Variants in NOS1 observed in about 807,000 individuals in gnomAD.
NOS1 encodes the protein nitric oxide synthase 1, also known as NOS type I.
NOS1 carries 51 observed loss-of-function variants against 164.5 expected under a neutral mutation model. The ratio of observed to expected loss-of-function variants is 0.31; its 90% CI spans 0.25 to 0.39. The LOEUF (loss-of-function observed/expected upper bound fraction) is 0.39, where lower values mean the gene tolerates loss of function less well. Among genes scored for constraint, NOS1 ranks in the 10% least tolerant of loss-of-function variants. NOS1 has a pLI of 1.00. For synonymous variants in NOS1, 719 were observed against 745.8 expected (o/e 0.96, Z 0.59); for missense variants, 1,362 against 1,885.6 (o/e 0.72, Z 5.14).
chr12:117,287,007 G>A lies in NOS1; in HGVS notation c.1128-741C>T, dbSNP rs193262360. 1.9e-3 allele frequency among the ~76,000 whole-genome samples: 291 copies of A among 152,310 alleles called. 1 individual carries two copies. Among genetic ancestry groups the A allele is most frequent in the African/African-American group, 6.7e-3 (277 of 41,566 alleles). ...AGGAGGGTGGATCACTTGAGGCTAG[G>A]AATTTGAGACCAGCCTGGCCAACAT... On this transcript the variant is annotated intron_variant, in intron 5 of 28. Coordinates refer to ENST00000317775, the MANE Select transcript of NOS1 (RefSeq NM_000620.5).
rs904571742 is a variant in NOS1 at position 117,218,114 on chromosome 12, G to A, written c.4221C>T (p.Tyr1407=). The stretch of plus-strand genomic sequence containing the variant: ...CAGATCTAAGGCGGTTGGTCACTTC[G>A]TACGTTCGCAGGGTGACTCCAAAAA... The part of the protein sequence containing the change: ...EDIFGVTLRT[Y]EVTNRLRSES... The change falls in exon 28 of 29, where the codon TAC becomes TAT. Residue 1407 remains tyrosine, a synonymous_variant. Coordinates refer to ENST00000317775, the MANE Select transcript of NOS1 (RefSeq NM_000620.5). 4.3e-6 allele frequency: 7 copies of A among 1,613,990 alleles called. No individual in the cohort carries two copies. In the African/African-American group the frequency reaches 5.3e-5, roughly 12 times the overall value.
In NOS1 at chr12:117,218,105, G is replaced by T. The variant is rs760198222; in HGVS notation, c.4230C>A (p.Thr1410=). The part of the protein sequence containing the change: ...FGVTLRTYEV[T]NRLRSESIAF... ...CAATGGACTCAGATCTAAGGCGGTT[G>T]GTCACTTCGTACGTTCGCAGGGTGA... is the stretch of plus-strand genomic sequence containing the variant. Residue 1410 remains threonine, a synonymous_variant, in exon 28 of 29, where the codon ACC becomes ACA. Transcript: ENST00000317775. The T allele has an allele frequency of 2.5e-6, 4 of 1,614,118 alleles. No individual in the cohort carries two copies. The Admixed American group carries it at 5.0e-5, about 20-fold the overall frequency.
At chr12:117,267,082 T>C (rs995525934) in intron 11 of NOS1, among the ~76,000 whole-genome samples, 1 of 152,196 alleles carries the variant, frequency 6.6e-6, no homozygotes, top group African/African-American at 2.4e-5. Flanking sequence ...CATCCATGGC[T>C]TGATTTAACA....
In NOS1 at chr12:117,322,279, T is replaced by TCTTCCTTCCCTC. The variant is rs929497075; in HGVS notation, c.725+8054_725+8065dup. 1.2e-4 allele frequency among the ~76,000 whole-genome samples: 12 copies of TCTTCCTTCCCTC among 104,104 alleles called. No individual in the cohort carries two copies. The East Asian group carries it at 1.2e-3, about 11-fold the overall frequency. The allele number at this position is 104,104 out of a possible 152,430, so 68.3% of individuals were successfully genotyped here. A position where few individuals can be genotyped will look rare whatever the true frequency, so the allele number is the denominator to read the frequency against. ...CCCTCCTTTCCCTTCCTCTTTCCTT[T>TCTTCCTTCCCTC]CTTCCTTCCCTCCTTCCTTCCCTCC... On this transcript the variant is annotated intron_variant, in intron 2 of 28. Coordinates refer to ENST00000317775, the MANE Select transcript of NOS1 (RefSeq NM_000620.5).
intron 11 of NOS1, among the ~76,000 whole-genome samples, chr12:117,266,878 G>A (rs1872461937): frequency 6.6e-6 from 1 of 152,090 alleles, no homozygotes; most frequent in Non-Finnish European, 1.5e-5. Context: ...TGTTGTCTCT[G>A]GCTTGACAGA....
Position 117,210,138 on chromosome 12 carries a change from A to T in NOS1, c.*5171T>A. The T allele has an allele frequency of 2.7e-6, 1 of 374,862 alleles. No homozygotes were observed. The highest frequency in any genetic ancestry group is 3.4e-6 in the Non-Finnish European group (1 of 295,816). 23.2% of individuals were successfully genotyped at this position (374,862 alleles called of 1,614,324 possible). A position where few individuals can be genotyped will look rare whatever the true frequency, so the allele number is the denominator to read the frequency against. ...CAGGAGCATGCCATCATGCCCAGCT[A>T]ATTTTTTTTTTTTTTTTTTTTTAGT... is the stretch of plus-strand genomic sequence containing the variant. On this transcript the variant is annotated 3_prime_UTR_variant, in exon 29 of 29. Coordinates refer to ENST00000317775, the MANE Select transcript of NOS1 (RefSeq NM_000620.5).
Position 117,211,507 on chromosome 12 carries a change from T to C in NOS1, c.*3802A>G. 1.0e-6 allele frequency: 1 copy of C among 984,592 alleles called. No homozygotes were observed. The allele number at this position is 984,592 out of a possible 1,614,324, so 61.0% of individuals were successfully genotyped here. A position where few individuals can be genotyped will look rare whatever the true frequency, so the allele number is the denominator to read the frequency against. ...TTGAAAAACATTCTTAGGGACTCCC[T>C]GTTGCCTTCTGAATAAAGCCTAAAT... On this transcript the variant is annotated 3_prime_UTR_variant, in exon 29 of 29. Transcript: ENST00000317775.
chr12:117,221,682 G>A (rs1250297992), intron 26 of NOS1, among the ~76,000 whole-genome samples: 1 of 151,726 alleles, frequency 6.6e-6, no homozygotes, highest in Non-Finnish European at 1.5e-5. Flanking sequence ...TGCCCAGGGT[G>A]GAGTGCAGTG....
chr12:117,212,954 A>G lies in NOS1; in HGVS notation c.*2355T>C. ...TGAAGCAGCTTGTGTTGGGGATTGA[A>G]AGGTGTTTACTTAAAAAAAAATCTT... On this transcript the variant is annotated 3_prime_UTR_variant, in exon 29 of 29. Coordinates refer to ENST00000317775, the MANE Select transcript of NOS1 (RefSeq NM_000620.5). 2.0e-6 allele frequency: 2 copies of G among 985,318 alleles called. No homozygotes were observed. Among genetic ancestry groups the G allele is most frequent in the Non-Finnish European group, 2.4e-6 (2 of 829,920 alleles). The allele number at this position is 985,318 out of a possible 1,614,324, so 61.0% of individuals were successfully genotyped here.
At position 117,347,528 on chromosome 12, in the gene NOS1, C is replaced by A. The variant is rs576533714; in HGVS notation, c.-421+13984G>T. On this transcript the variant is annotated intron_variant, in intron 1 of 28. Transcript: ENST00000317775. ...GCCCCCGTCATTCATTTGTTTCTTG[C>A]AAATAAGTATTTCACTATAGGCCTT... Among the ~76,000 whole-genome samples the A allele has an allele frequency of 3.3e-5, 5 of 152,202 alleles. No individual in the cohort carries two copies. In the South Asian group the frequency reaches 1.0e-3, roughly 32 times the overall value.
At chr12:117,267,596 A>T (rs1872517506) in intron 11 of NOS1, among the ~76,000 whole-genome samples, 1 of 152,116 alleles carries the variant, frequency 6.6e-6, no homozygotes, top group Non-Finnish European at 1.5e-5. Context: ...TCAAAAAAAA[A>T]AAAAAAGTGT....
intron 9 of NOS1, among the ~76,000 whole-genome samples, chr12:117,273,093 T>C (rs1340715443): frequency 6.6e-6 from 1 of 152,204 alleles, no homozygotes; most frequent in Non-Finnish European, 1.5e-5. Context: ...ATCATGCTTA[T>C]TCTGGAAAGC....
At chr12:117,342,712 A>G (rs1450318172) in intron 1 of NOS1, among the ~76,000 whole-genome samples, 1 of 152,136 alleles carries the variant, frequency 6.6e-6, no homozygotes, top group Admixed American at 6.5e-5. Context: ...CAGTGGTCAG[A>G]TTTAGATTTT....
intron 3 of NOS1, among the ~76,000 whole-genome samples, chr12:117,301,660 T>A (rs1873821160): frequency 6.6e-6 from 1 of 152,150 alleles, no homozygotes; most frequent in African/African-American, 2.4e-5. Context: ...GCCCTCCTGC[T>A]CTTTTCTCTG....
intron 7 of NOS1, 57 bp downstream of exon 7, chr12:117,285,184 A>G: frequency 8.1e-7 from 1 of 1,229,918 alleles, no homozygotes; most frequent in Non-Finnish European, 1.2e-6. Context: ...GAGTCAAAGT[A>G]CAATGCTGTG....
At chr12:117,317,127 C>T (rs144266451) in intron 2 of NOS1, among the ~76,000 whole-genome samples, 8 of 152,152 alleles carry the variant, frequency 5.3e-5, no homozygotes, top group South Asian at 4.2e-4. Context: ...GTGATCTATC[C>T]GCCTCGGCCT....
chr12:117,220,054 G>C, intron 27 of NOS1, 21 bp downstream of exon 27: 1 of 1,585,700 alleles, frequency 6.3e-7, no homozygotes, highest in East Asian at 2.2e-5. Context: ...AAGGGACCTG[G>C]GAAGTCAGCC....
At chr12:117,310,358 A>G (rs536490697) in intron 3 of NOS1, among the ~76,000 whole-genome samples, 42 of 152,338 alleles carry the variant, frequency 2.8e-4, no homozygotes, top group Admixed American at 1.2e-3. Context: ...ACAGAATGAA[A>G]TATTATATGG....
intron 24 of NOS1, 29 bp downstream of exon 24, chr12:117,226,654 T>C (rs769664194): frequency 4.4e-6 from 7 of 1,599,262 alleles, no homozygotes; most frequent in South Asian, 1.1e-5. Flanking sequence ...TTTGAGATGA[T>C]TGCTCATTTT....
Sources: allele counts gnomAD v4.1 joint callset (sites outside exome capture counted in the v4.1 genomes callset), GRCh38; gene constraint gnomAD v4.1.1; transcripts MANE v1.5; gene names NCBI Gene and HGNC (gene_info 2026-07-23, HGNC 2026-07-21).